The following MICU2 variants were observed in gnomAD, a reference collection of about 807,000 sequenced individuals.
The protein encoded by MICU2 is mitochondrial calcium uptake 2, also known as calcium uptake protein 2, mitochondrial.
MICU2 carries 64 observed loss-of-function variants against 60.4 expected under a neutral mutation model. The ratio of observed to expected loss-of-function variants is 1.06; its 90% CI spans 0.87 to 1.31. The LOEUF is 1.31. Among genes scored for constraint, MICU2 ranks in the 50% most tolerant of loss-of-function variants. The pLI is 0.00. For missense variants in MICU2, 569 were observed against 531.0 expected (o/e 1.07, Z -0.70); for synonymous variants, 201 against 175.0 (o/e 1.15, Z -1.17).
At chr13:21,513,494 T>C (rs1352283284) in intron 7 of MICU2, among the ~76,000 whole-genome samples, 1 of 151,946 alleles carries the variant, frequency 6.6e-6, no homozygotes, top group Non-Finnish European at 1.5e-5. Flanking sequence ...TCCCAGCAAT[T>C]TGGGAGGCCG....
At chr13:21,588,339 C>G (rs1888503099) in intron 1 of MICU2, among the ~76,000 whole-genome samples, 1 of 152,188 alleles carries the variant, frequency 6.6e-6, no homozygotes, top group Admixed American at 6.5e-5. Flanking sequence ...CCAAACTGTC[C>G]CCTTTCCACT....
chr13:21,529,603 G>C (rs1164475294), intron 4 of MICU2, among the ~76,000 whole-genome samples: 1 of 152,220 alleles, frequency 6.6e-6, no homozygotes, highest in Non-Finnish European at 1.5e-5. Context: ...GACTAGGACA[G>C]TGTGGTTTCA....
chr13:21,507,378 C>A (rs1313230785), intron 8 of MICU2, among the ~76,000 whole-genome samples: 1 of 151,890 alleles, frequency 6.6e-6, no homozygotes, highest in African/African-American at 2.4e-5. Flanking sequence ...AAAAATTATC[C>A]CAGTAATATG....
Position 21,604,093 on chromosome 13 carries a change from C to T in MICU2, c.56G>A (p.Arg19Gln), listed in dbSNP as rs755092902. The change falls in exon 1 of 12, where the codon CGA (arginine) becomes CAA (glutamine). Residue 19 changes from arginine (R) to glutamine (Q), a missense_variant. Arg to Gln is a conservative substitution (Grantham distance 43). Transcript: ENST00000382374. ...CTGTCGGCTGACAGCGAGCCCCCGT[C>T]GCAGTTTTCCGCCCCAGGCCGCCAC... The part of the protein sequence containing the change: ...ARVAAWGGKL[R>Q]RGLAVSRQAV... 26 of 1,591,744 alleles carry T rather than the reference C, an allele frequency of 1.6e-5. No homozygotes were observed. Among genetic ancestry groups the T allele is most frequent in the Non-Finnish European group, 2.2e-5 (26 of 1,170,930 alleles).
chr13:21,523,456 CAA>C (rs1409678807), intron 4 of MICU2, among the ~76,000 whole-genome samples: 1 of 152,202 alleles, frequency 6.6e-6, no homozygotes, highest in African/African-American at 2.4e-5. Flanking sequence ...AGTAGAATAA[CAA>C]GAGACTTGGG....
At chr13:21,515,023 A>C (rs922292465) in intron 6 of MICU2, among the ~76,000 whole-genome samples, 2 of 152,102 alleles carry the variant, frequency 1.3e-5, no homozygotes, top group Admixed American at 6.5e-5. Context: ...CTGTCCTTTC[A>C]AGATAATTTT....
At chr13:21,528,007 T>C (rs1202643863) in intron 4 of MICU2, among the ~76,000 whole-genome samples, 2 of 152,228 alleles carry the variant, frequency 1.3e-5, no homozygotes, top group African/African-American at 4.8e-5. Context: ...GAGATTGGAT[T>C]ATCCCACCTA....
chr13:21,492,968 T>G lies in MICU2; in HGVS notation c.*281A>C, dbSNP rs45529537. ...TTCCAGAAAGCATATCATATTAGAG[T>G]GTCTAAGAAATCAGTGAATCACTAA... On this transcript the variant is annotated 3_prime_UTR_variant, in exon 12 of 12. Transcript: ENST00000382374. 4.5e-6 allele frequency: 1 copy of G among 220,754 alleles called. No individual in the cohort carries two copies. The highest frequency in any genetic ancestry group is 8.9e-6 in the Non-Finnish European group (1 of 112,718). 13.7% of individuals were successfully genotyped at this position (220,754 alleles called of 1,614,324 possible).
chr13:21,532,744 G>A (rs533712933), intron 4 of MICU2, among the ~76,000 whole-genome samples: 2 of 152,284 alleles, frequency 1.3e-5, no homozygotes, highest in South Asian at 4.1e-4. Flanking sequence ...ACTACAAAAT[G>A]TCCTCATTGA....
At chr13:21,570,847 C>T (rs1888091288) in intron 1 of MICU2, among the ~76,000 whole-genome samples, 1 of 152,184 alleles carries the variant, frequency 6.6e-6, no homozygotes, top group Non-Finnish European at 1.5e-5. Context: ...ATGTTGGGAA[C>T]AAGTGGCTAA....
intron 1 of MICU2, among the ~76,000 whole-genome samples, chr13:21,591,979 G>A (rs541180987): frequency 6.6e-6 from 1 of 151,244 alleles, no homozygotes; most frequent in Non-Finnish European, 1.5e-5. Flanking sequence ...AAATTAATTC[G>A]AAAGTTAGCA....
At chr13:21,593,765 AAAAC>A (rs1379914363) in intron 1 of MICU2, among the ~76,000 whole-genome samples, 3 of 152,152 alleles carry the variant, frequency 2.0e-5, no homozygotes, top group African/African-American at 7.2e-5. Context: ...AAACCTGACA[AAAAC>A]AAGCAATGGG....
intron 4 of MICU2, among the ~76,000 whole-genome samples, chr13:21,529,497 A>G (rs1886935683): frequency 2.0e-5 from 3 of 152,214 alleles, no homozygotes; most frequent in African/African-American, 7.2e-5. Context: ...TGCTAAAACC[A>G]AGGAGGCTGA....
chr13:21,504,697 G>C (rs1440422622), intron 8 of MICU2, among the ~76,000 whole-genome samples: 1 of 152,166 alleles, frequency 6.6e-6, no homozygotes, highest in African/African-American at 2.4e-5. Context: ...GAAACAATGG[G>C]AGAGATCTGT....
intron 1 of MICU2, among the ~76,000 whole-genome samples, chr13:21,573,280 GTTTTTTTTTTT>G (rs1888153835): frequency 1.8e-5 from 1 of 57,130 alleles, no homozygotes; most frequent in Non-Finnish European, 4.9e-5. Flanking sequence ...ACATTTTTTT[GTTTTTTTTTTT>G]GAGACGGAGT....
chr13:21,584,617 T>C (rs748086284), intron 1 of MICU2, among the ~76,000 whole-genome samples: 2 of 152,162 alleles, frequency 1.3e-5, no homozygotes, highest in African/African-American at 4.8e-5. Context: ...TAGATGTCTA[T>C]GAAAATTTTA....
chr13:21,546,495 G>C lies in MICU2; in HGVS notation c.359-6807C>G, dbSNP rs187839812. ...GCTAAGATCTTAAGTGTACGAATTA[G>C]CTTAGAAAAGTGAGGTTAAAAGTAT... On this transcript the variant is annotated intron_variant, in intron 2 of 11. Coordinates refer to ENST00000382374, the MANE Select transcript of MICU2 (RefSeq NM_152726.3). Among the ~76,000 whole-genome samples, 138 of 152,234 alleles carry C rather than the reference G, an allele frequency of 9.1e-4. 3 individuals carry two copies. The East Asian group carries it at 0.025, about 28-fold the overall frequency.
chr13:21,520,390 C>T (rs79992983), intron 6 of MICU2, among the ~76,000 whole-genome samples: 3,641 of 152,156 alleles, frequency 0.024, 150 homozygotes, highest in African/African-American at 0.082. Context: ...CATTTGTGTA[C>T]CATTTTATTC....
At chr13:21,513,475 C>T (rs976097884) in intron 7 of MICU2, among the ~76,000 whole-genome samples, 1 of 152,086 alleles carries the variant, frequency 6.6e-6, no homozygotes, top group African/African-American at 2.4e-5. Flanking sequence ...CAGTAGCTCA[C>T]ACCTGTAATC....
Sources: gnomAD v4.1 joint callset for allele counts (sites outside exome capture counted in the v4.1 genomes callset) on GRCh38, gnomAD v4.1.1 for gene constraint, MANE v1.5 for transcripts, NCBI Gene and HGNC (gene_info 2026-07-23, HGNC 2026-07-21) for gene names.